Variants in TRIM44 observed in about 807,000 individuals in gnomAD.
TRIM44 encodes the protein tripartite motif-containing protein 44.
In TRIM44, 13 loss-of-function variants were observed where a neutral mutation model predicts 37.4. The ratio of observed to expected loss-of-function variants is 0.35; its 90% CI spans 0.23 to 0.55. The LOEUF (loss-of-function observed/expected upper bound fraction) is 0.55, where lower values mean the gene tolerates loss of function less well. Among genes scored for constraint, TRIM44 ranks in the 20% least tolerant of loss-of-function variants. The pLI is 0.89. For synonymous variants in TRIM44, 175 were observed against 157.2 expected, an observed-to-expected ratio of 1.11 and a Z score of -0.85; for missense variants, 426 against 437.2, an observed-to-expected ratio of 0.97 and a Z score of 0.23.
rs1317711827 is a variant in TRIM44, at chr11:35,810,111, C to CAGGATGG, written c.*3732_*3733insGAGGATG. 1 of 152,158 alleles carries CAGGATGG rather than the reference C, an allele frequency of 6.6e-6. No homozygotes were observed. Among genetic ancestry groups the CAGGATGG allele is most frequent in the Non-Finnish European group, 1.5e-5 (1 of 68,036 alleles). The allele number at this position is 152,158 out of a possible 1,614,324, so 9.4% of individuals were successfully genotyped here. On this transcript the variant is annotated 3_prime_UTR_variant, in exon 5 of 5. Coordinates refer to ENST00000299413, the MANE Select transcript of TRIM44 (RefSeq NM_017583.6). ...AGGAAATTGCACTCCAGCCCTCCTC[C>CAGGATGG]AGGATGTCTAATAAGATGGGAAACT...
chr11:35,785,025 A>G (rs1341909529), intron 4 of TRIM44, among the ~76,000 whole-genome samples: 3 of 152,190 alleles, frequency 2.0e-5, no homozygotes, highest in Non-Finnish European at 4.4e-5. Flanking sequence ...TAAAGAAGGT[A>G]TTGTTCTTTG....
At chr11:35,764,807 T>G (rs1852772518) in intron 4 of TRIM44, among the ~76,000 whole-genome samples, 1 of 152,156 alleles carries the variant, frequency 6.6e-6, no homozygotes, top group African/African-American at 2.4e-5. Context: ...CAGCTTTATA[T>G]CCTGGCATTT....
chr11:35,696,217 C>T (rs1851696131), intron 2 of TRIM44, among the ~76,000 whole-genome samples: 1 of 150,258 alleles, frequency 6.7e-6, no homozygotes, highest in Non-Finnish European at 1.5e-5. Flanking sequence ...AATCTCAGCT[C>T]ACTGCAAGCT....
intron 4 of TRIM44, among the ~76,000 whole-genome samples, chr11:35,797,250 T>C (rs2133881401): frequency 6.6e-6 from 1 of 152,302 alleles, no homozygotes; most frequent in East Asian, 1.9e-4. Flanking sequence ...AAAATAGTAA[T>C]ATTGGATTAT....
intron 2 of TRIM44, among the ~76,000 whole-genome samples, chr11:35,712,021 T>C (rs1275181745): frequency 1.3e-5 from 2 of 152,224 alleles, no homozygotes; most frequent in African/African-American, 2.4e-5. Context: ...TGAGTGATAA[T>C]GACTTGCAAA....
chr11:35,669,312 A>G (rs1018413579), intron 1 of TRIM44, among the ~76,000 whole-genome samples: 4 of 151,666 alleles, frequency 2.6e-5, no homozygotes, highest in Non-Finnish European at 5.9e-5. Flanking sequence ...ATTTTCTTTC[A>G]TTTTTTCCCC....
chr11:35,791,139 A>C (rs1363542372), intron 4 of TRIM44, among the ~76,000 whole-genome samples: 2 of 152,010 alleles, frequency 1.3e-5, no homozygotes, highest in African/African-American at 4.8e-5. Context: ...TCTGCTTGGG[A>C]GCAAGTGTCC....
At chr11:35,709,670 C>T (rs542506331) in intron 2 of TRIM44, among the ~76,000 whole-genome samples, 1 of 152,186 alleles carries the variant, frequency 6.6e-6, no homozygotes, top group East Asian at 1.9e-4. Flanking sequence ...ATCCGTGGGG[C>T]TCCAAAATCC....
At chr11:35,722,392 G>A (rs139340590) in intron 2 of TRIM44, among the ~76,000 whole-genome samples, 57 of 152,306 alleles carry the variant, frequency 3.7e-4, no homozygotes, top group African/African-American at 1.3e-3. Context: ...AATTCAGGGC[G>A]AGTCCATATA....
chr11:35,740,434 A>G (rs1406479511), intron 4 of TRIM44, among the ~76,000 whole-genome samples: 2 of 152,142 alleles, frequency 1.3e-5, no homozygotes, highest in Non-Finnish European at 2.9e-5. Flanking sequence ...TTGATTTGCT[A>G]TTGAGGTTTT....
chr11:35,705,659 A>T (rs1230657413), intron 2 of TRIM44, among the ~76,000 whole-genome samples: 8 of 149,000 alleles, frequency 5.4e-5, no homozygotes. Flanking sequence ...CTCCTGAATG[A>T]CTACTGGGTA....
chr11:35,776,452 A>G (rs768468976), intron 4 of TRIM44, among the ~76,000 whole-genome samples: 58 of 151,964 alleles, frequency 3.8e-4, no homozygotes, highest in Non-Finnish European at 6.6e-4. Context: ...TTGTGTCTCT[A>G]TCTCCTTCAG....
At chr11:35,775,783 C>T (rs746989150) in intron 4 of TRIM44, among the ~76,000 whole-genome samples, 3 of 152,084 alleles carry the variant, frequency 2.0e-5, no homozygotes, top group South Asian at 2.1e-4. Flanking sequence ...TATTGATTTG[C>T]GTATGTTGAA....
Position 35,676,779 on chromosome 11 carries a change from C to T in TRIM44, c.670-8480C>T, listed in dbSNP as rs11823710. Among the ~76,000 whole-genome samples the T allele has an allele frequency of 1.9e-3, 282 of 152,214 alleles. 2 individuals carry two copies. The highest frequency in any genetic ancestry group is 6.5e-3 in the African/African-American group (271 of 41,522). On this transcript the variant is annotated intron_variant, in intron 1 of 4. Coordinates refer to ENST00000299413, the MANE Select transcript of TRIM44 (RefSeq NM_017583.6). The stretch of plus-strand genomic sequence containing the variant: ...TGTGTGAACCCTGGCAGGCTCTAAC[C>T]TGTGTTGATTGGTAGACTCTGACTT...
At chr11:35,735,180 G>A (rs1852313259) in intron 3 of TRIM44, among the ~76,000 whole-genome samples, 1 of 152,148 alleles carries the variant, frequency 6.6e-6, no homozygotes, top group South Asian at 2.1e-4. Context: ...GGCCTCCTAG[G>A]TCTGTGCATT....
At chr11:35,700,902 G>A (rs1232000650) in intron 2 of TRIM44, among the ~76,000 whole-genome samples, 1 of 152,114 alleles carries the variant, frequency 6.6e-6, no homozygotes, top group Admixed American at 6.5e-5. Flanking sequence ...ATATTTAAGG[G>A]CGTATTCTTA....
At chr11:35,781,296 A>G (rs533294802) in intron 4 of TRIM44, among the ~76,000 whole-genome samples, 1 of 152,126 alleles carries the variant, frequency 6.6e-6, no homozygotes, top group Non-Finnish European at 1.5e-5. Context: ...CTGATTTATA[A>G]TCTGAATGAT....
intron 1 of TRIM44, among the ~76,000 whole-genome samples, chr11:35,675,683 A>T (rs544315836): frequency 1.2e-4 from 19 of 152,106 alleles, no homozygotes; most frequent in African/African-American, 4.3e-4. Context: ...CACCCTGCCA[A>T]GCTAATTTTT....
intron 2 of TRIM44, among the ~76,000 whole-genome samples, chr11:35,725,470 AT>A (rs2135515692): frequency 6.6e-6 from 1 of 152,152 alleles, no homozygotes; most frequent in African/African-American, 2.4e-5. Context: ...AGTAGCTGGG[AT>A]TACAGGCACC....
Sources: gnomAD v4.1 joint callset for allele counts (sites outside exome capture counted in the v4.1 genomes callset) on GRCh38, gnomAD v4.1.1 for gene constraint, MANE v1.5 for transcripts, NCBI Gene and HGNC (gene_info 2026-07-23, HGNC 2026-07-21) for gene names.